Variants in AFG2A observed in about 807,000 individuals in gnomAD.
AFG2A encodes AAA ATPase AFG2A.
the AFG2A span, among the ~76,000 whole-genome samples, chr4:122,958,543 C>CTT: frequency 6.6e-6 from 1 of 152,140 alleles, no homozygotes; most frequent in Non-Finnish European, 1.5e-5. Context: ...AATTCAGGAC[C>CTT]AATCACTTAG....
chr4:123,121,756 A>G, the AFG2A span, among the ~76,000 whole-genome samples: 1 of 152,214 alleles, frequency 6.6e-6, no homozygotes, highest in Non-Finnish European at 1.5e-5. Flanking sequence ...TTCTCAGAAC[A>G]TATCCCCATT....
At chr4:123,129,587 A>G in the AFG2A span, among the ~76,000 whole-genome samples, 2 of 152,186 alleles carry the variant, frequency 1.3e-5, no homozygotes, top group Non-Finnish European at 2.9e-5. Flanking sequence ...TCTTTGAAAC[A>G]TTCCTCTTTG....
At chr4:123,146,919 G>A in the AFG2A span, among the ~76,000 whole-genome samples, 1 of 152,128 alleles carries the variant, frequency 6.6e-6, no homozygotes, top group Non-Finnish European at 1.5e-5. Flanking sequence ...TTGTTCATAA[G>A]TCTTCCGTGA....
the AFG2A span, among the ~76,000 whole-genome samples, chr4:123,227,255 T>G: frequency 6.6e-6 from 1 of 152,300 alleles, no homozygotes; most frequent in African/African-American, 2.4e-5. Flanking sequence ...TCTGCTAGCT[T>G]TTGAATGTGT....
chr4:123,090,311 T>A, the AFG2A span, among the ~76,000 whole-genome samples: 1 of 152,230 alleles, frequency 6.6e-6, no homozygotes, highest in Non-Finnish European at 1.5e-5. Flanking sequence ...TATATCTTGT[T>A]TTCCAGTGCT....
At chr4:122,932,442 C>T in the AFG2A span, among the ~76,000 whole-genome samples, 1 of 152,092 alleles carries the variant, frequency 6.6e-6, no homozygotes, top group African/African-American at 2.4e-5. Context: ...GTCCACCCAC[C>T]TCAGCCTCCC....
the AFG2A span, among the ~76,000 whole-genome samples, chr4:123,232,915 C>T: frequency 1.3e-3 from 195 of 152,096 alleles, 1 homozygote; most frequent in Middle Eastern, 0.027. Flanking sequence ...ATGAAAACCC[C>T]GCAGGTGCTT....
the AFG2A span, among the ~76,000 whole-genome samples, chr4:122,994,418 C>T: frequency 6.6e-6 from 1 of 152,028 alleles, no homozygotes; most frequent in Non-Finnish European, 1.5e-5. Context: ...TCTCTATGTA[C>T]ACCATAACAA....
the AFG2A span, among the ~76,000 whole-genome samples, chr4:122,980,640 C>G: frequency 1.3e-5 from 2 of 152,142 alleles, no homozygotes; most frequent in Admixed American, 1.3e-4. Context: ...TCTTTTTCTC[C>G]ATATCCTTGG....
the AFG2A span, among the ~76,000 whole-genome samples, chr4:123,035,163 A>G: frequency 5.9e-5 from 9 of 152,172 alleles, no homozygotes; most frequent in African/African-American, 2.2e-4. Flanking sequence ...CCCCAACACT[A>G]TAAAGAACTC....
the AFG2A span, among the ~76,000 whole-genome samples, chr4:123,184,758 G>C: frequency 6.6e-6 from 1 of 151,204 alleles, no homozygotes; most frequent in Admixed American, 6.6e-5. Flanking sequence ...GGATGGTCTC[G>C]ATCTCCTGAC....
chr4:123,117,105 A>T, the AFG2A span, among the ~76,000 whole-genome samples: 5 of 152,136 alleles, frequency 3.3e-5, no homozygotes, highest in Non-Finnish European at 7.4e-5. Flanking sequence ...GTTTTTATAA[A>T]CTTGTCAGAT....
At chr4:122,927,637 A>G in the AFG2A span, 45 of 1,605,592 alleles carry the variant, frequency 2.8e-5, no homozygotes, top group Non-Finnish European at 3.7e-5. Context: ...TTCATAGTAG[A>G]TGACAAAATT....
At chr4:122,945,187 A>T in the AFG2A span, among the ~76,000 whole-genome samples, 1 of 152,156 alleles carries the variant, frequency 6.6e-6, no homozygotes, top group Non-Finnish European at 1.5e-5. Context: ...AGGGACATTT[A>T]AGTCTGCAGA....
chr4:123,263,443 A>G, the AFG2A span, among the ~76,000 whole-genome samples: 1 of 152,192 alleles, frequency 6.6e-6, no homozygotes, highest in Admixed American at 6.5e-5. Context: ...AGCACCTTAT[A>G]TAGAGTTATT....
the AFG2A span, among the ~76,000 whole-genome samples, chr4:123,211,734 AT>A: frequency 6.6e-6 from 1 of 152,124 alleles, no homozygotes; most frequent in Non-Finnish European, 1.5e-5. Flanking sequence ...TGAAAATCCC[AT>A]TACCTTACAT....
the AFG2A span, among the ~76,000 whole-genome samples, chr4:123,050,953 TTG>T: frequency 1.3e-5 from 2 of 151,892 alleles, no homozygotes; most frequent in African/African-American, 4.8e-5. Flanking sequence ...GTTGGTCAGG[TTG>T]GTCTCAAACT....
the AFG2A span, among the ~76,000 whole-genome samples, chr4:123,232,550 G>A: frequency 3.7e-4 from 56 of 152,048 alleles, no homozygotes; most frequent in African/African-American, 1.3e-3. Context: ...GAGAGGGACA[G>A]ATTTGAGTCA....
At chr4:123,149,845 G>T in the AFG2A span, among the ~76,000 whole-genome samples, 1 of 127,864 alleles carries the variant, frequency 7.8e-6, no homozygotes, top group Non-Finnish European at 1.5e-5. Flanking sequence ...TCACTCTGTC[G>T]CCCAGTTTGG....
Sources: gnomAD v4.1 joint callset for allele counts (sites outside exome capture counted in the v4.1 genomes callset) on GRCh38, gnomAD v4.1.1 for gene constraint, MANE v1.5 for transcripts, NCBI Gene and HGNC (gene_info 2026-07-23, HGNC 2026-07-21) for gene names.